The following TMCC1 variants were observed in gnomAD, a reference collection of about 807,000 sequenced individuals.
The protein encoded by TMCC1 is transmembrane and coiled-coil domain family 1.
A neutral mutation model predicts 52.4 loss-of-function variants in TMCC1; 15 were observed. The ratio of observed to expected loss-of-function variants is 0.29; its 90% confidence interval spans 0.19 to 0.44. The LOEUF (loss-of-function observed/expected upper bound fraction) is 0.44, where lower values mean the gene tolerates loss of function less well. Among genes scored for constraint, TMCC1 ranks in the 20% least tolerant of loss-of-function variants. The pLI, the probability that TMCC1 is intolerant of heterozygous loss-of-function variation, is 1.00. For missense variants in TMCC1, 503 were observed against 806.0 expected (o/e 0.62, Z 4.55); for synonymous variants, 279 against 301.9 (o/e 0.92, Z 0.79).
At chr3:129,702,514 C>T (rs936280580) in intron 4 of TMCC1, among the ~76,000 whole-genome samples, 2 of 151,952 alleles carry the variant, frequency 1.3e-5, no homozygotes, top group African/African-American at 4.8e-5. Flanking sequence ...ATAGGTAAAC[C>T]ATGTTGCTTT....
At chr3:129,677,568 C>G (rs1041605924) in intron 4 of TMCC1, among the ~76,000 whole-genome samples, 1 of 152,058 alleles carries the variant, frequency 6.6e-6, no homozygotes, top group Admixed American at 6.5e-5. Flanking sequence ...GTCATTAAAA[C>G]AGAATATTTC....
Position 129,828,268 on chromosome 3 carries a change from C to G in TMCC1, c.111G>C (p.Met37Ile). The G allele has an allele frequency of 6.2e-7, 1 of 1,614,092 alleles. No homozygotes were observed. The highest frequency in any genetic ancestry group is 8.5e-7 in the Non-Finnish European group (1 of 1,180,016). Residue 37 changes from methionine (M) to isoleucine (I), a missense_variant, in exon 4 of 7, where the codon ATG (methionine) becomes ATC (isoleucine). Coordinates refer to ENST00000393238, the MANE Select transcript of TMCC1 (RefSeq NM_001017395.5). This position sits in a 1 kb window ranked among gnomAD's most constrained non-coding sequence, Gnocchi z 4.1. ...TAATGTTCTCCAAAGCATTGTGGGT[C>G]ATTTTAGACAATTTTTGTTCTGATT... ...QTESEQKLSK[M>I]THNALENINV...
intron 4 of TMCC1, among the ~76,000 whole-genome samples, chr3:129,706,182 G>A (rs1005834795): frequency 3.3e-5 from 5 of 149,402 alleles, no homozygotes; most frequent in Admixed American, 2.7e-4. Flanking sequence ...GAGCCACCGC[G>A]CCTGGCCAAA....
At chr3:129,807,300 T>C (rs1476843959) in intron 4 of TMCC1, among the ~76,000 whole-genome samples, 2 of 152,204 alleles carry the variant, frequency 1.3e-5, no homozygotes, top group African/African-American at 2.4e-5. Context: ...AGTGTATTAC[T>C]ATGTGTCATA....
chr3:129,789,519 C>T (rs2056299869), intron 4 of TMCC1, among the ~76,000 whole-genome samples: 1 of 152,176 alleles, frequency 6.6e-6, no homozygotes, highest in South Asian at 2.1e-4. Context: ...CTCGCTCTGT[C>T]GCCCAGGCTA....
intron 2 of TMCC1, among the ~76,000 whole-genome samples, chr3:129,874,362 A>C (rs1390097869): frequency 6.6e-6 from 1 of 152,200 alleles, no homozygotes; most frequent in Non-Finnish European, 1.5e-5. Flanking sequence ...GACTCAATTT[A>C]CTATGGAATC....
At chr3:129,794,378 C>A (rs2056678268) in intron 4 of TMCC1, 1 of 456,094 alleles carries the variant, frequency 2.2e-6, no homozygotes. Context: ...CCCAGAGGAT[C>A]TTCAGACAAA....
chr3:129,835,229 T>G (rs560662857), intron 2 of TMCC1, among the ~76,000 whole-genome samples: 1 of 152,274 alleles, frequency 6.6e-6, no homozygotes, highest in South Asian at 2.1e-4. Context: ...GATCTTATTA[T>G]GACCACTGTT....
At chr3:129,719,704 ATTGTG>A (rs2049407923) in intron 4 of TMCC1, among the ~76,000 whole-genome samples, 1 of 152,174 alleles carries the variant, frequency 6.6e-6, no homozygotes, top group African/African-American at 2.4e-5. Context: ...TGGCATCAGA[ATTGTG>A]TTGTTGAGAG....
chr3:129,822,577 C>T (rs2058471615), intron 4 of TMCC1, among the ~76,000 whole-genome samples: 1 of 152,128 alleles, frequency 6.6e-6, no homozygotes, highest in Non-Finnish European at 1.5e-5. Context: ...TTTCCTTTCC[C>T]CTTTTCTTAT....
At chr3:129,721,675 A>T (rs1294627799) in intron 4 of TMCC1, among the ~76,000 whole-genome samples, 2 of 142,764 alleles carry the variant, frequency 1.4e-5, no homozygotes, top group Non-Finnish European at 3.0e-5. Flanking sequence ...CCTGGCTAAC[A>T]CCGTGAAACC....
At chr3:129,695,995 T>C (rs2047393448) in intron 4 of TMCC1, among the ~76,000 whole-genome samples, 1 of 152,172 alleles carries the variant, frequency 6.6e-6, no homozygotes, top group African/African-American at 2.4e-5. Flanking sequence ...CCCCAAAACA[T>C]ATTTCTCTGC....
In TMCC1 at chr3:129,667,941, C is replaced by G. The variant is rs542675662; in HGVS notation, c.1511+2389G>C. The stretch of plus-strand genomic sequence containing the variant: ...GTGACTCATACCTGTAATCCCAGCA[C>G]TTTGGGAGGCCAAGGAGGGCAGATC... On this transcript the variant is annotated intron_variant, in intron 5 of 6. Coordinates refer to ENST00000393238, the MANE Select transcript of TMCC1 (RefSeq NM_001017395.5). Among the ~76,000 whole-genome samples, 5 of 152,250 alleles carry G rather than the reference C, an allele frequency of 3.3e-5. No individual in the cohort carries two copies. The South Asian group carries it at 8.3e-4, about 25-fold the overall frequency.
chr3:129,872,105 C>T (rs1457185423), intron 2 of TMCC1, among the ~76,000 whole-genome samples: 4 of 152,174 alleles, frequency 2.6e-5, no homozygotes, highest in Non-Finnish European at 4.4e-5. Flanking sequence ...CCAGTATTCA[C>T]GCAGCATTAT....
intron 4 of TMCC1, among the ~76,000 whole-genome samples, chr3:129,683,197 C>T (rs990049592): frequency 6.6e-6 from 1 of 152,234 alleles, no homozygotes; most frequent in Non-Finnish European, 1.5e-5. Context: ...CACTGCATGC[C>T]AATCCTTTTC....
intron 4 of TMCC1, among the ~76,000 whole-genome samples, chr3:129,751,689 T>G (rs1421688817): frequency 1.3e-5 from 2 of 151,962 alleles, no homozygotes; most frequent in South Asian, 4.2e-4. Flanking sequence ...GCCTCCTGAG[T>G]AGCTGGGATT....
At chr3:129,706,554 T>A (rs1194078601) in intron 4 of TMCC1, among the ~76,000 whole-genome samples, 1 of 152,048 alleles carries the variant, frequency 6.6e-6, no homozygotes, top group Admixed American at 6.6e-5. Flanking sequence ...AGTGACTCAC[T>A]CCAAAAAGGA....
At chr3:129,883,664 T>C (rs746778674) in intron 1 of TMCC1, among the ~76,000 whole-genome samples, 35 of 152,202 alleles carry the variant, frequency 2.3e-4, no homozygotes, top group Non-Finnish European at 4.6e-4. Context: ...TAATTATATG[T>C]ATTTTACCAC....
At chr3:129,842,226 G>C (rs1208159167) in intron 2 of TMCC1, among the ~76,000 whole-genome samples, 1 of 152,144 alleles carries the variant, frequency 6.6e-6, no homozygotes, top group African/African-American at 2.4e-5. Context: ...AGCACTTTAG[G>C]AGGCTGGGGT....
Sources: gnomAD v4.1 joint callset for allele counts (sites outside exome capture counted in the v4.1 genomes callset) on GRCh38, gnomAD v4.1.1 for gene constraint, Gnocchi (gnomAD v3.1) non-coding constraint, MANE v1.5 for transcripts, NCBI Gene and HGNC (gene_info 2026-07-23, HGNC 2026-07-21) for gene names.